MTFR1L: variants seen among roughly 807,000 people sequenced by gnomAD.
The protein encoded by MTFR1L is mitochondrial fission regulator 1 like.
In MTFR1L, 10 loss-of-function variants were observed where a neutral mutation model predicts 27.9. That is an observed-to-expected ratio of 0.36 (90% CI 0.22 to 0.61). MTFR1L has a LOEUF of 0.61. Ranked by LOEUF, MTFR1L falls within the 20% of genes least tolerant of loss-of-function variation. The pLI is 0.73. For missense variants in MTFR1L, 315 were observed against 363.7 expected (o/e 0.87, Z 1.09); for synonymous variants, 151 against 139.4 (o/e 1.08, Z -0.58).
chr1:25,825,189 G>C (rs1220606397), intron 3 of MTFR1L, among the ~76,000 whole-genome samples: 1 of 151,970 alleles, frequency 6.6e-6, no homozygotes, highest in Non-Finnish European at 1.5e-5. Flanking sequence ...GATCAATCCT[G>C]GATCCATCTA....
chr1:25,825,118 G>A (rs1557442395), intron 3 of MTFR1L, among the ~76,000 whole-genome samples: 2 of 152,134 alleles, frequency 1.3e-5, no homozygotes, highest in Non-Finnish European at 2.9e-5. Context: ...TCTTCTCTGT[G>A]TGACCTTGGA....
Position 25,832,734 on chromosome 1 carries a change from G to C in MTFR1L, c.*708G>C, listed in dbSNP as rs58504236. ...TTTCTCTTCCACGGACTTTAAGCCC[G>C]GTAGGAAAGAGAGAGGAGGAGGGGG... is the stretch of plus-strand genomic sequence containing the variant. On this transcript the variant is annotated 3_prime_UTR_variant, in exon 7 of 7. Transcript: ENST00000374303. 3 of 156,954 alleles carry C rather than the reference G, an allele frequency of 1.9e-5. No individual in the cohort carries two copies. Among genetic ancestry groups the C allele is most frequent in the Admixed American group, 1.2e-4 (2 of 16,458 alleles). 9.7% of individuals were successfully genotyped at this position (156,954 alleles called of 1,614,324 possible).
In MTFR1L at chr1:25,829,584, C is replaced by T. The variant is rs2048210118; in HGVS notation, c.527C>T (p.Ser176Phe). The change falls in exon 6 of 7, where the codon TCC becomes TTC. Residue 176 changes from serine (S) to phenylalanine (F), a missense_variant. Ser to Phe is a radical substitution (Grantham distance 155). Coordinates refer to ENST00000374303, the MANE Select transcript of MTFR1L (RefSeq NM_001099625.2). ...TCTTCTCCCTTACCTTGTTTTGGAT[C>T]CTCATTCCACTCTACAACTTCCTTT... is the stretch of plus-strand genomic sequence containing the variant. ...NVSSPLPCFG[S>F]SFHSTTSFVI... 1 of 1,614,228 alleles carries T rather than the reference C, an allele frequency of 6.2e-7. No homozygotes were observed. Among genetic ancestry groups the T allele is most frequent in the Non-Finnish European group, 8.5e-7 (1 of 1,180,036 alleles).
At chr1:25,830,085 A>G (rs559174148) in intron 6 of MTFR1L, among the ~76,000 whole-genome samples, 2 of 152,140 alleles carry the variant, frequency 1.3e-5, no homozygotes, top group Non-Finnish European at 2.9e-5. Context: ...ATCTAATCCA[A>G]CTTCTGTCCT....
chr1:25,828,613 C>T (rs2048198846), intron 5 of MTFR1L, among the ~76,000 whole-genome samples: 1 of 151,830 alleles, frequency 6.6e-6, no homozygotes, highest in South Asian at 2.1e-4. Context: ...CCCTGTAACC[C>T]ACCCCTCCAG....
intron 6 of MTFR1L, among the ~76,000 whole-genome samples, chr1:25,830,525 G>A (rs1277201408): frequency 6.6e-6 from 1 of 152,180 alleles, no homozygotes; most frequent in Non-Finnish European, 1.5e-5. Context: ...TCACCCCATT[G>A]CATAGTGTTT....
At chr1:25,828,651 A>G (rs2048199113) in intron 5 of MTFR1L, among the ~76,000 whole-genome samples, 1 of 151,956 alleles carries the variant, frequency 6.6e-6, no homozygotes, top group Admixed American at 6.5e-5. Context: ...AGGCAGAACC[A>G]CTGGAAATGG....
chr1:25,831,822 C>G (rs1021194573), intron 6 of MTFR1L, 99 bp from the exon 7 acceptor site: 6 of 1,035,370 alleles, frequency 5.8e-6, no homozygotes, highest in African/African-American at 1.6e-5. Context: ...GCACCTACCT[C>G]GTAAGATTGT....
chr1:25,831,973 C>A lies in MTFR1L; in HGVS notation c.826C>A (p.Leu276Ile). 1 of 1,614,110 alleles carries A rather than the reference C, an allele frequency of 6.2e-7. No homozygotes were observed. ...EDPAVLISEV[L>I]RRKFALKEED... ...CCCTGCTGTGCTTATCTCTGAGGTC[C>A]TAAGGAGGAAGTTTGCTCTAAAGGA... The change falls in exon 7 of 7, where the codon CTA becomes ATA. Residue 276 changes from leucine to isoleucine, a missense_variant. Transcript: ENST00000374303.
At chr1:25,824,446 A>AT (rs1312171835) in intron 3 of MTFR1L, among the ~76,000 whole-genome samples, 1 of 152,220 alleles carries the variant, frequency 6.6e-6, no homozygotes, top group Non-Finnish European at 1.5e-5. Flanking sequence ...AGATGTGTGC[A>AT]TTTGGAGAGC....
chr1:25,824,636 T>C (rs745431733), intron 3 of MTFR1L, among the ~76,000 whole-genome samples: 11 of 152,072 alleles, frequency 7.2e-5, no homozygotes, highest in Non-Finnish European at 1.5e-4. Flanking sequence ...AGGGTTGGTA[T>C]TAGGGTCAGG....
intron 2 of MTFR1L, 148 bp downstream of exon 2, chr1:25,823,276 C>A (rs1344960143): frequency 2.4e-6 from 2 of 846,430 alleles, no homozygotes; most frequent in Non-Finnish European, 2.0e-6. Context: ...TTCACTCCCT[C>A]CCCCTAAGAA....
intron 6 of MTFR1L, among the ~76,000 whole-genome samples, chr1:25,831,351 G>T (rs763836604): frequency 5.3e-5 from 8 of 151,420 alleles, no homozygotes; most frequent in Admixed American, 1.3e-4. Context: ...GCCTACTTCA[G>T]TCTGGAGTTG....
chr1:25,828,877 T>C (rs140952075), intron 5 of MTFR1L, among the ~76,000 whole-genome samples: 293 of 152,366 alleles, frequency 1.9e-3, no homozygotes, highest in Non-Finnish European at 3.2e-3. Flanking sequence ...GGAAGTTTTA[T>C]GAAGAATTGT....
At position 25,823,561 on chromosome 1, in the gene MTFR1L, C is replaced by T. The variant is rs2048127728; in HGVS notation, c.25-83C>T. On this transcript the variant is annotated intron_variant, in intron 2 of 6. Coordinates refer to ENST00000374303, the MANE Select transcript of MTFR1L (RefSeq NM_001099625.2). The stretch of plus-strand genomic sequence containing the variant: ...TCCCTAGGTTTGTGGAATTCAGTCT[C>T]CACAAACCTAGAGAGGAGAGGACAA... 5 of 1,557,722 alleles carry T rather than the reference C, an allele frequency of 3.2e-6. 1 individual carries two copies. The South Asian group carries it at 5.9e-5, about 18-fold the overall frequency.
chr1:25,820,344 A>C lies in MTFR1L; in HGVS notation c.-87+315A>C, dbSNP rs971370393. On this transcript the variant is annotated intron_variant, in intron 1 of 6. Coordinates refer to ENST00000374303, the MANE Select transcript of MTFR1L (RefSeq NM_001099625.2). ...GGCCGCGGCTCGGAGGCTTCCGCGC[A>C]CTCGGGTCCGGGTCCTGTGGGTCCA... 17 of 455,512 alleles carry C rather than the reference A, an allele frequency of 3.7e-5. No homozygotes were observed. The Admixed American group carries it at 3.8e-4, about 10-fold the overall frequency. The allele number at this position is 455,512 out of a possible 1,614,324, so 28.2% of individuals were successfully genotyped here.
chr1:25,828,559 CAAAAA>C (rs2048197554), intron 5 of MTFR1L, among the ~76,000 whole-genome samples: 1 of 141,614 alleles, frequency 7.1e-6, no homozygotes, highest in South Asian at 2.2e-4. Flanking sequence ...GACTCCGTCT[CAAAAA>C]AAGAAAAAAA....
intron 1 of MTFR1L, 172 bp downstream of exon 1, chr1:25,820,201 G>A: frequency 2.2e-6 from 1 of 453,934 alleles, no homozygotes; most frequent in Non-Finnish European, 4.4e-6. Flanking sequence ...CTGAGTCCCC[G>A]AAGGGTAGTT....
Position 25,819,977 on chromosome 1 carries a change from C to G in MTFR1L, c.-139C>G. On this transcript the variant is annotated 5_prime_UTR_variant, in exon 1 of 7. Coordinates refer to ENST00000374303, the MANE Select transcript of MTFR1L (RefSeq NM_001099625.2). Reference sequence around the variant, plus strand: ...TGAGGGCGGTTGAGGCTGGGCGGCCCAAGGTGGAAGGAGGGGCCGTGAGGT... The same window carrying G: ...TGAGGGCGGTTGAGGCTGGGCGGCCGAAGGTGGAAGGAGGGGCCGTGAGGT... The G allele has an allele frequency of 3.0e-6, 1 of 328,664 alleles. No homozygotes were observed. Among genetic ancestry groups the G allele is most frequent in the Non-Finnish European group, 5.9e-6 (1 of 170,908 alleles). The allele number at this position is 328,664 out of a possible 1,614,324, so 20.4% of individuals were successfully genotyped here.
Sources: allele counts gnomAD v4.1 joint callset (sites outside exome capture counted in the v4.1 genomes callset), GRCh38; gene constraint gnomAD v4.1.1; transcripts MANE v1.5; gene names NCBI Gene and HGNC (gene_info 2026-07-23, HGNC 2026-07-21).